CYP4X1: variants seen among roughly 807,000 people sequenced by gnomAD.
The protein encoded by CYP4X1 is cytochrome P450 family 4 subfamily X member 1, also known as cytochrome P450 4X1.
A neutral mutation model predicts 57.9 loss-of-function variants in CYP4X1; 44 were observed. The ratio of observed to expected loss-of-function variants is 0.76; its 90% CI spans 0.60 to 0.98. The LOEUF is 0.98. Ranked by LOEUF, CYP4X1 falls within the 50% of genes least tolerant of loss-of-function variation. CYP4X1 has a pLI of 0.00. For missense variants in CYP4X1, 532 were observed against 623.9 expected (o/e 0.85, Z 1.57); for synonymous variants, 227 against 228.6 (o/e 0.99, Z 0.06).
At chr1:46,995,068 C>T in the CYP4X1 span, among the ~76,000 whole-genome samples, 1 of 152,134 alleles carries the variant, frequency 6.6e-6, no homozygotes, top group African/African-American at 2.4e-5. Flanking sequence ...GCCCTGTCCA[C>T]CCTTCAGTCA....
At chr1:47,008,974 C>T in the CYP4X1 span, among the ~76,000 whole-genome samples, 1 of 152,144 alleles carries the variant, frequency 6.6e-6, no homozygotes. Context: ...TAATGGGAGA[C>T]TTTAACACCC....
Position 47,040,671 on chromosome 1 carries a change from TTATATA to T in CYP4X1, c.1073+1145_1073+1150del, listed in dbSNP as rs557936088. ...CTGACAAAAATTGTGCATATACATGTTATATATATATGTATGTGTGTATATATATAT... is the reference window on the plus strand; with the variant it reads ...CTGACAAAAATTGTGCATATACATGTTATATGTATGTGTGTATATATATAT... On this transcript the variant is annotated intron_variant, in intron 8 of 11. Transcript: ENST00000371901. Among the ~76,000 whole-genome samples, 287 of 152,114 alleles carry T rather than the reference TTATATA, an allele frequency of 1.9e-3. 2 individuals carry two copies. Among genetic ancestry groups the T allele is most frequent in the Middle Eastern group, 3.4e-3 (1 of 294 alleles).
At chr1:47,040,454 A>G (rs1412471146) in intron 8 of CYP4X1, among the ~76,000 whole-genome samples, 1 of 152,202 alleles carries the variant, frequency 6.6e-6, no homozygotes, top group African/African-American at 2.4e-5. Context: ...ATGACCAGAT[A>G]AAAAACACCA....
the CYP4X1 span, among the ~76,000 whole-genome samples, chr1:46,993,049 A>G: frequency 6.6e-6 from 1 of 151,646 alleles, no homozygotes; most frequent in Non-Finnish European, 1.5e-5. Context: ...GTCATTTAAC[A>G]TTGGGTATAT....
chr1:47,012,599 A>G, the CYP4X1 span, among the ~76,000 whole-genome samples: 2 of 151,920 alleles, frequency 1.3e-5, no homozygotes, highest in Non-Finnish European at 2.9e-5. Flanking sequence ...AAAAAACCAG[A>G]CTGAAAAAAA....
chr1:47,040,297 A>C (rs144720543), intron 8 of CYP4X1, among the ~76,000 whole-genome samples: 121 of 152,312 alleles, frequency 7.9e-4, no homozygotes, highest in African/African-American at 2.9e-3. Context: ...AGCCAGGTGG[A>C]AACTGTCATC....
the CYP4X1 span, among the ~76,000 whole-genome samples, chr1:47,005,648 G>A: frequency 6.6e-6 from 1 of 152,188 alleles, no homozygotes; most frequent in Non-Finnish European, 1.5e-5. Context: ...TATATTAAAT[G>A]ATTAAGTGTA....
the CYP4X1 span, among the ~76,000 whole-genome samples, chr1:47,012,334 C>T: frequency 1.4e-4 from 21 of 152,072 alleles, no homozygotes; most frequent in Admixed American, 2.6e-4. Context: ...TGTATGTTCT[C>T]GCTTATAGGT....
the CYP4X1 span, among the ~76,000 whole-genome samples, chr1:46,967,027 A>G: frequency 6.6e-6 from 1 of 152,248 alleles, no homozygotes; most frequent in Non-Finnish European, 1.5e-5. Flanking sequence ...GTTAACTTGG[A>G]CAGGCTGTAA....
chr1:47,018,835 A>G (rs1208479467), upstream of CYP4X1, among the ~76,000 whole-genome samples: 2 of 152,234 alleles, frequency 1.3e-5, no homozygotes, highest in African/African-American at 4.8e-5. Flanking sequence ...TTGTAGCCAG[A>G]AAAATCAGAA....
At chr1:47,051,863 T>G (rs1185881868), downstream of CYP4X1, among the ~76,000 whole-genome samples, 1 of 152,146 alleles carries the variant, frequency 6.6e-6, no homozygotes, top group African/African-American at 2.4e-5. Flanking sequence ...AGTAAAATTC[T>G]AAAATAACTC....
the CYP4X1 span, among the ~76,000 whole-genome samples, chr1:46,979,972 A>G: frequency 2.6e-5 from 4 of 152,182 alleles, no homozygotes; most frequent in South Asian, 8.3e-4. Context: ...TTGATGGAAC[A>G]TATCTCAAAA....
At chr1:47,026,226 A>G (rs1644062905) in intron 1 of CYP4X1, among the ~76,000 whole-genome samples, 1 of 152,200 alleles carries the variant, frequency 6.6e-6, no homozygotes, top group South Asian at 2.1e-4. Flanking sequence ...TTAAATAAAG[A>G]GTGTAATAGG....
At chr1:47,039,870 C>G (rs1644226678) in intron 8 of CYP4X1, 1 of 173,068 alleles carries the variant, frequency 5.8e-6, no homozygotes, top group South Asian at 1.9e-4. Context: ...CAATAGGGTC[C>G]AAGTGGAGCT....
chr1:46,971,403 T>C, the CYP4X1 span, among the ~76,000 whole-genome samples: 1 of 152,236 alleles, frequency 6.6e-6, no homozygotes, highest in Non-Finnish European at 1.5e-5. Flanking sequence ...TGTGTCTTTA[T>C]GATAGAATGG....
chr1:46,993,026 C>T, the CYP4X1 span, among the ~76,000 whole-genome samples: 14 of 152,174 alleles, frequency 9.2e-5, no homozygotes, highest in African/African-American at 3.4e-4. Flanking sequence ...TGGTGTGCTG[C>T]ACCCATTAAC....
At chr1:47,016,897 A>G in the CYP4X1 span, among the ~76,000 whole-genome samples, 1 of 152,034 alleles carries the variant, frequency 6.6e-6, no homozygotes, top group Non-Finnish European at 1.5e-5. Flanking sequence ...TCTATTCTCT[A>G]TCTCCATGAG....
chr1:47,046,235 T>C (rs1213962323), intron 8 of CYP4X1, among the ~76,000 whole-genome samples: 2 of 152,224 alleles, frequency 1.3e-5, no homozygotes, highest in South Asian at 2.1e-4. Context: ...GTTTTACTGC[T>C]AGTTTAGCAG....
chr1:47,032,508 T>C (rs2148507670), intron 3 of CYP4X1, among the ~76,000 whole-genome samples: 1 of 152,338 alleles, frequency 6.6e-6, no homozygotes, highest in African/African-American at 2.4e-5. Flanking sequence ...TGACAGATCA[T>C]GCATCATGAG....
Sources: gnomAD v4.1 joint callset for allele counts (sites outside exome capture counted in the v4.1 genomes callset) on GRCh38, gnomAD v4.1.1 for gene constraint, MANE v1.5 for transcripts, NCBI Gene and HGNC (gene_info 2026-07-23, HGNC 2026-07-21) for gene names.